The following PPP1R16B variants were observed in gnomAD, a reference collection of about 807,000 sequenced individuals.
PPP1R16B encodes the protein protein phosphatase 1 regulatory inhibitor subunit 16B.
Under a neutral mutation model 61.7 loss-of-function variants are expected in PPP1R16B, and 14 were observed. The ratio of observed to expected loss-of-function variants is 0.23; its 90% CI spans 0.15 to 0.35. The LOEUF (loss-of-function observed/expected upper bound fraction) is 0.35, where lower values mean the gene tolerates loss of function less well. Among genes scored for constraint, PPP1R16B ranks in the 10% least tolerant of loss-of-function variants. The pLI, the probability that PPP1R16B is intolerant of heterozygous loss-of-function variation, is 1.00. For missense variants in PPP1R16B, 547 were observed against 752.5 expected, an observed-to-expected ratio of 0.73 and a Z score of 3.19; for synonymous variants, 266 against 305.3, an observed-to-expected ratio of 0.87 and a Z score of 1.34.
chr20:38,822,902 G>C (rs761276015), intron 1 of PPP1R16B, among the ~76,000 whole-genome samples: 2 of 152,154 alleles, frequency 1.3e-5, no homozygotes, highest in Non-Finnish European at 2.9e-5. Context: ...AAGTGAACCT[G>C]AGATTTTCAC....
At chr20:38,868,387 GT>G (rs765292512) in intron 2 of PPP1R16B, among the ~76,000 whole-genome samples, 137 of 145,508 alleles carry the variant, frequency 9.4e-4, no homozygotes, top group Middle Eastern at 3.6e-3. Context: ...CAAATGGTAA[GT>G]TTTTTTTTTT....
rs142124697 is a variant in PPP1R16B, at chr20:38,867,141, G to A, written c.251-22454G>A. On this transcript the variant is annotated intron_variant, in intron 2 of 10. Coordinates refer to ENST00000299824, the MANE Select transcript of PPP1R16B (RefSeq NM_015568.4). ...TGTGTGGATAGACCCCCTGTCCCCC[G>A]CCAACCACACACACCCAGGCTGGAG... is the stretch of plus-strand genomic sequence containing the variant. Among the ~76,000 whole-genome samples the A allele has an allele frequency of 1.7e-3, 252 of 152,184 alleles. 2 individuals are homozygous for A. The highest frequency in any genetic ancestry group is 4.7e-3 in the African/African-American group (196 of 41,516).
intron 2 of PPP1R16B, among the ~76,000 whole-genome samples, chr20:38,845,477 G>A (rs2145725714): frequency 6.6e-6 from 1 of 152,254 alleles, no homozygotes; most frequent in East Asian, 1.9e-4. Context: ...AAATAAAAAT[G>A]TAAAAGTAAA....
intron 4 of PPP1R16B, among the ~76,000 whole-genome samples, chr20:38,899,327 G>T (rs1035365755): frequency 1.3e-5 from 2 of 152,180 alleles, no homozygotes; most frequent in African/African-American, 4.8e-5. Context: ...GATCAGTGAT[G>T]GTGCTAAGAG....
chr20:38,820,290 G>A (rs1431395108), intron 1 of PPP1R16B, among the ~76,000 whole-genome samples: 1 of 152,216 alleles, frequency 6.6e-6, no homozygotes, highest in African/African-American at 2.4e-5. Context: ...CGGGCGCAGT[G>A]GCTCATGCCT....
At chr20:38,866,014 C>T (rs2085087915) in intron 2 of PPP1R16B, among the ~76,000 whole-genome samples, 1 of 151,950 alleles carries the variant, frequency 6.6e-6, no homozygotes, top group South Asian at 2.1e-4. Context: ...ATCCCAGCTA[C>T]TCAGGAGGCT....
At chr20:38,895,498 T>C (rs1411223886) in intron 3 of PPP1R16B, 67 bp from the exon 4 acceptor site, 2 of 1,522,334 alleles carry the variant, frequency 1.3e-6, no homozygotes, top group East Asian at 2.3e-5. Context: ...GAACCTGGTG[T>C]GTCCTGACCA....
intron 1 of PPP1R16B, among the ~76,000 whole-genome samples, chr20:38,831,669 G>A (rs75578307): frequency 2.0e-5 from 3 of 152,218 alleles, no homozygotes; most frequent in Non-Finnish European, 2.9e-5. Context: ...TGGTGATGCC[G>A]TGTGAGCCCA....
chr20:38,813,262 G>A (rs1364749857), intron 1 of PPP1R16B, among the ~76,000 whole-genome samples: 1 of 152,240 alleles, frequency 6.6e-6, no homozygotes, highest in Non-Finnish European at 1.5e-5. Flanking sequence ...CTAGAATGAT[G>A]AGCTTTGAGT....
chr20:38,903,977 C>G (rs1211147641), intron 6 of PPP1R16B, among the ~76,000 whole-genome samples: 3 of 152,196 alleles, frequency 2.0e-5, no homozygotes, highest in African/African-American at 7.2e-5. Context: ...GTCTCGGGAT[C>G]TCGAGCTCAC....
Position 38,907,043 on chromosome 20 carries a change from A to G in PPP1R16B, c.887A>G (p.Glu296Gly). Residue 296 changes from glutamate to glycine, a missense_variant, in exon 8 of 11, where the codon GAG (glutamate) becomes GGG (glycine). Glu to Gly is a moderately conservative substitution (Grantham distance 98). Coordinates refer to ENST00000299824, the MANE Select transcript of PPP1R16B (RefSeq NM_015568.4). This position sits in a 1 kb window ranked among gnomAD's most constrained non-coding sequence, Gnocchi z 4.5. ...CTCAGTGCAAGGACATCCATGGATG[A>G]GATGCCAATAGGTAAGTCCAGCACA... ...ASLSARTSMD[E>G]MPIDLCEEEE... The G allele has an allele frequency of 6.2e-7, 1 of 1,613,514 alleles. No individual in the cohort carries two copies. The highest frequency in any genetic ancestry group is 8.5e-7 in the Non-Finnish European group (1 of 1,179,380).
rs1394186143 is a variant in PPP1R16B at position 38,919,553 on chromosome 20, T to A, written c.*887T>A. On this transcript the variant is annotated 3_prime_UTR_variant, in exon 11 of 11. Coordinates refer to ENST00000299824, the MANE Select transcript of PPP1R16B (RefSeq NM_015568.4). The stretch of plus-strand genomic sequence containing the variant: ...AAATTCCTTTAGTCTGTAAAACTCC[T>A]AGAGGGAGGGAGGTAACTGAATTCA... 1.3e-5 allele frequency: 2 copies of A among 152,204 alleles called. No individual in the cohort carries two copies. The highest frequency in any genetic ancestry group is 4.8e-5 in the African/African-American group (2 of 41,442). 9.4% of individuals were successfully genotyped at this position (152,204 alleles called of 1,614,324 possible). A position where few individuals can be genotyped will look rare whatever the true frequency, so the allele number is the denominator to read the frequency against.
chr20:38,870,554 G>A (rs1000772322), intron 2 of PPP1R16B, among the ~76,000 whole-genome samples: 3 of 152,148 alleles, frequency 2.0e-5, no homozygotes, highest in Non-Finnish European at 4.4e-5. Context: ...CTAGAGGAGA[G>A]TGTTCTAGGC....
intron 3 of PPP1R16B, among the ~76,000 whole-genome samples, chr20:38,890,095 T>C (rs1326347619): frequency 1.3e-5 from 2 of 152,202 alleles, no homozygotes; most frequent in African/African-American, 4.8e-5. Flanking sequence ...CCATGTGCTA[T>C]CATGACATGT....
chr20:38,902,516 G>A (rs746218105), intron 5 of PPP1R16B, 152 bp from the exon 6 acceptor site: 273 of 1,108,836 alleles, frequency 2.5e-4, no homozygotes, highest in Non-Finnish European at 3.0e-4. Flanking sequence ...GTCTCATCAG[G>A]CCTGAAGACA....
At chr20:38,891,889 G>A (rs111347821) in intron 3 of PPP1R16B, among the ~76,000 whole-genome samples, 8 of 152,278 alleles carry the variant, frequency 5.3e-5, no homozygotes, top group African/African-American at 1.9e-4. Context: ...TACAATGATG[G>A]AAATGTTCTG....
chr20:38,892,111 T>G (rs1347332262), intron 3 of PPP1R16B, among the ~76,000 whole-genome samples: 1 of 152,196 alleles, frequency 6.6e-6, no homozygotes, highest in South Asian at 2.1e-4. Context: ...TAAGTCAGGA[T>G]TTGAAACAAG....
At chr20:38,881,070 A>C (rs1158888072) in intron 2 of PPP1R16B, among the ~76,000 whole-genome samples, 1 of 151,972 alleles carries the variant, frequency 6.6e-6, no homozygotes, top group African/African-American at 2.4e-5. Context: ...GGTCCTGGGG[A>C]TGTGACTTTG....
Position 38,903,946 on chromosome 20 carries a change from G to A in PPP1R16B, c.696+1154G>A, listed in dbSNP as rs963774040. On this transcript the variant is annotated intron_variant, in intron 6 of 10. Coordinates refer to ENST00000299824, the MANE Select transcript of PPP1R16B (RefSeq NM_015568.4). ...GCCCTGTCCCAGGCTTAGGTTCCAC[G>A]CTGGTCGTAAGCACTCAGCAGTCTC... is the stretch of plus-strand genomic sequence containing the variant. Among the ~76,000 whole-genome samples, 5 of 152,154 alleles carry A rather than the reference G, an allele frequency of 3.3e-5. No individual in the cohort carries two copies. In the South Asian group the frequency reaches 6.2e-4, roughly 19 times the overall value.
Sources: allele counts gnomAD v4.1 joint callset (sites outside exome capture counted in the v4.1 genomes callset), GRCh38; gene constraint gnomAD v4.1.1; non-coding constraint Gnocchi (gnomAD v3.1); transcripts MANE v1.5; gene names NCBI Gene and HGNC (gene_info 2026-07-23, HGNC 2026-07-21).